Variants in VPS13B observed in about 807,000 individuals in gnomAD.
The protein encoded by VPS13B is intermembrane lipid transfer protein VPS13B.
A neutral mutation model predicts 426.4 loss-of-function variants in VPS13B; 285 were observed. That is an observed-to-expected ratio of 0.67 (90% CI 0.61 to 0.74). The LOEUF (loss-of-function observed/expected upper bound fraction) is 0.74, where lower values mean the gene tolerates loss of function less well. Ranked by LOEUF, VPS13B falls within the 30% of genes least tolerant of loss-of-function variation. VPS13B has a pLI of 0.00. For synonymous variants in VPS13B, 1,676 were observed against 1,676.4 expected (o/e 1.00, Z 0.01); for missense variants, 4,537 against 4,782.6 (o/e 0.95, Z 1.51).
intron 15 of VPS13B, among the ~76,000 whole-genome samples, chr8:99,159,671 A>G (rs560247225): frequency 3.9e-5 from 6 of 152,222 alleles, no homozygotes; most frequent in African/African-American, 1.4e-4. Context: ...ACTTTTTGTA[A>G]GGGGTGAGGG....
At chr8:99,132,529 A>T (rs139103570) in intron 8 of VPS13B, among the ~76,000 whole-genome samples, 1 of 152,128 alleles carries the variant, frequency 6.6e-6, no homozygotes, top group East Asian at 1.9e-4. Flanking sequence ...ATGAATCACA[A>T]ATGTTCTTAA....
chr8:99,352,554 C>G (rs1227158125), intron 19 of VPS13B, among the ~76,000 whole-genome samples: 1 of 152,188 alleles, frequency 6.6e-6, no homozygotes, highest in Non-Finnish European at 1.5e-5. Flanking sequence ...AAATACCTGG[C>G]TGGGCGCAGT....
At chr8:99,651,374 T>A (rs902787005) in intron 34 of VPS13B, among the ~76,000 whole-genome samples, 4 of 152,188 alleles carry the variant, frequency 2.6e-5, no homozygotes, top group Non-Finnish European at 5.9e-5. Context: ...TTAAAAACAT[T>A]GTTTAAAAAC....
chr8:99,283,161 C>A (rs1364416511), intron 19 of VPS13B, among the ~76,000 whole-genome samples: 2 of 152,084 alleles, frequency 1.3e-5, no homozygotes, highest in East Asian at 3.9e-4. Context: ...AAATTCTGCT[C>A]CTAATGTAGA....
At chr8:99,682,235 C>T (rs186032934) in intron 35 of VPS13B, among the ~76,000 whole-genome samples, 26 of 152,230 alleles carry the variant, frequency 1.7e-4, no homozygotes, top group Admixed American at 1.2e-3. Flanking sequence ...GAGGCCAAGA[C>T]GGGTGGATTG....
intron 19 of VPS13B, among the ~76,000 whole-genome samples, chr8:99,301,473 A>G (rs931196905): frequency 2.6e-5 from 4 of 151,936 alleles, no homozygotes; most frequent in Admixed American, 6.6e-5. Context: ...TATTTTTAGT[A>G]GAGATGGGGT....
rs1847348062 is a variant in VPS13B at position 99,111,241 on chromosome 8, T to A, written c.724T>A (p.Tyr242Asn). ...CTTCAGAACTCGTCTTCATTTTACATATGAAAACCTAAATTCCAAGATGCC... is the reference window on the plus strand; with the variant it reads ...CTTCAGAACTCGTCTTCATTTTACAAATGAAAACCTAAATTCCAAGATGCC... ...CSFRTRLHFT[Y>N]ENLNSKMPSV... Residue 242 changes from tyrosine (Y) to asparagine (N), a missense_variant, in exon 6 of 62, where the codon TAT (tyrosine) becomes AAT (asparagine). Transcript: ENST00000357162. 6.2e-7 allele frequency: 1 copy of A among 1,603,476 alleles called. No individual in the cohort carries two copies. The highest frequency in any genetic ancestry group is 1.1e-5 in the South Asian group (1 of 88,286).
At chr8:99,450,082 C>T (rs953424858) in intron 23 of VPS13B, among the ~76,000 whole-genome samples, 1 of 152,088 alleles carries the variant, frequency 6.6e-6, no homozygotes, top group Non-Finnish European at 1.5e-5. Flanking sequence ...GGATTACAGG[C>T]ATAAGCCAAC....
intron 35 of VPS13B, among the ~76,000 whole-genome samples, chr8:99,679,447 G>A (rs1056010596): frequency 2.0e-5 from 3 of 152,118 alleles, no homozygotes; most frequent in East Asian, 3.8e-4. Flanking sequence ...TAGAACTTTT[G>A]TGTTGTGATT....
chr8:99,735,929 A>T (rs1431627651), intron 39 of VPS13B, among the ~76,000 whole-genome samples: 1 of 152,220 alleles, frequency 6.6e-6, no homozygotes. Flanking sequence ...AGCACCATGT[A>T]GAGCCCTTTG....
chr8:99,261,075 A>T (rs910701112), intron 17 of VPS13B, among the ~76,000 whole-genome samples: 1 of 152,064 alleles, frequency 6.6e-6, no homozygotes, highest in Non-Finnish European at 1.5e-5. Flanking sequence ...CAATATCAAT[A>T]TCCCCTATCA....
chr8:99,697,628 T>G, intron 35 of VPS13B: 1 of 643,706 alleles, frequency 1.6e-6, no homozygotes, highest in Non-Finnish European at 2.9e-6. Context: ...TGAAAGCATC[T>G]AAAGCCACCA....
intron 17 of VPS13B, among the ~76,000 whole-genome samples, chr8:99,240,598 TACA>T (rs1289718057): frequency 2.6e-5 from 4 of 152,186 alleles, no homozygotes; most frequent in African/African-American, 7.2e-5. Context: ...AGCATGCAGT[TACA>T]ACAATTTCCA....
intron 3 of VPS13B, among the ~76,000 whole-genome samples, chr8:99,058,821 T>A (rs1336119350): frequency 6.6e-6 from 1 of 152,138 alleles, no homozygotes; most frequent in African/African-American, 2.4e-5. Context: ...CTGGGATGAC[T>A]TATGGAATTT....
At chr8:99,871,821 A>T (rs1238064248) in intron 61 of VPS13B, 124 bp downstream of exon 61, 14 of 1,545,566 alleles carry the variant, frequency 9.1e-6, no homozygotes, top group Non-Finnish European at 1.2e-5. Context: ...GACCAAGGAG[A>T]GCTGCTACCC....
intron 39 of VPS13B, among the ~76,000 whole-genome samples, chr8:99,761,760 G>A (rs1465762858): frequency 6.6e-6 from 1 of 151,962 alleles, no homozygotes; most frequent in Non-Finnish European, 1.5e-5. Context: ...TGGATGATAG[G>A]CAATTTTATA....
chr8:99,684,294 C>G (rs969451592), intron 35 of VPS13B, among the ~76,000 whole-genome samples: 1 of 152,096 alleles, frequency 6.6e-6, no homozygotes, highest in East Asian at 1.9e-4. Flanking sequence ...CTTTTAGTAT[C>G]GGTAATGATG....
At chr8:99,188,831 A>AT (rs1451365636) in intron 16 of VPS13B, among the ~76,000 whole-genome samples, 3 of 151,914 alleles carry the variant, frequency 2.0e-5, no homozygotes, top group Non-Finnish European at 4.4e-5. Context: ...AATGTTGAGC[A>AT]TTTTTTCATG....
At chr8:99,279,191 A>G (rs1042072299) in intron 19 of VPS13B, among the ~76,000 whole-genome samples, 1 of 152,184 alleles carries the variant, frequency 6.6e-6, no homozygotes, top group African/African-American at 2.4e-5. Flanking sequence ...GTGAGCCAAG[A>G]TCACGTACTG....
Sources: allele counts gnomAD v4.1 joint callset (sites outside exome capture counted in the v4.1 genomes callset), GRCh38; gene constraint gnomAD v4.1.1; transcripts MANE v1.5; gene names NCBI Gene and HGNC (gene_info 2026-07-23, HGNC 2026-07-21).